The following NDRG4 variants were observed in gnomAD, a reference collection of about 807,000 sequenced individuals.
NDRG4 encodes the protein protein NDRG4.
Under a neutral mutation model 55.8 loss-of-function variants are expected in NDRG4, and 38 were observed. That is an observed-to-expected ratio of 0.68 (90% CI 0.53 to 0.89). The LOEUF is 0.89. Among genes scored for constraint, NDRG4 ranks in the 40% least tolerant of loss-of-function variants. The pLI is 0.00. For synonymous variants in NDRG4, 190 were observed against 182.7 expected, an observed-to-expected ratio of 1.04 and a Z score of -0.32; for missense variants, 455 against 468.6, an observed-to-expected ratio of 0.97 and a Z score of 0.27.
exon 2 of NDRG4, chr16:58,487,784 C>T: frequency 6.5e-7 from 1 of 1,544,290 alleles, no homozygotes; most frequent in Non-Finnish European, 8.7e-7. Flanking sequence ...TGACCATGGC[C>T]GGGCTGCAGG....
chr16:58,478,709 T>TTTG (rs2034038716), intron 1 of NDRG4, among the ~76,000 whole-genome samples: 1 of 149,394 alleles, frequency 6.7e-6, no homozygotes, highest in African/African-American at 2.4e-5. Context: ...TTTTTTTTTT[T>TTTG]GTAATTTTTT....
intron 5 of NDRG4, among the ~76,000 whole-genome samples, chr16:58,505,024 A>G (rs1281893919): frequency 1.3e-5 from 2 of 152,112 alleles, no homozygotes; most frequent in African/African-American, 4.8e-5. Context: ...TTAGCAAAAA[A>G]TTTTATTATG....
In NDRG4 at chr16:58,504,472, C is replaced by T. The variant is rs375020845; in HGVS notation, c.311+51C>T. The stretch of plus-strand genomic sequence containing the variant: ...TAGGGCCCAGGGGTGCCTACCCCAA[C>T]TGCAGAGCCACCTGGCTCCAGCTGA... On this transcript the variant is annotated intron_variant, in intron 4 of 14. Coordinates refer to ENST00000570248, the MANE Select transcript of NDRG4 (RefSeq NM_001242835.2). 298 of 1,611,466 alleles carry T rather than the reference C, an allele frequency of 1.8e-4. 1 individual carries two copies. The African/African-American group carries it at 3.6e-3, about 20-fold the overall frequency.
chr16:58,468,954 G>A (rs1201084742), intron 1 of NDRG4, among the ~76,000 whole-genome samples: 2 of 152,200 alleles, frequency 1.3e-5, no homozygotes, highest in Non-Finnish European at 2.9e-5. Flanking sequence ...AAACGGTTCA[G>A]AGTCAGAGCT....
chr16:58,491,972 G>A (rs985949111), intron 2 of NDRG4, among the ~76,000 whole-genome samples: 2 of 151,360 alleles, frequency 1.3e-5, no homozygotes, highest in Admixed American at 1.3e-4. Context: ...TAGAGACATG[G>A]GATCTTTCTA....
chr16:58,507,748 T>A, intron 8 of NDRG4, 60 bp from the exon 9 acceptor site: 1 of 1,529,268 alleles, frequency 6.5e-7, no homozygotes, highest in Non-Finnish European at 9.0e-7. Flanking sequence ...GGGCTTGGGA[T>A]GCCCCTCATC....
chr16:58,506,964 G>C lies in NDRG4; in HGVS notation c.569G>C (p.Gly190Ala), dbSNP rs914460296. The C allele has an allele frequency of 1.2e-6, 2 of 1,614,024 alleles. No homozygotes were observed. The highest frequency in any genetic ancestry group is 2.7e-5 in the African/African-American group (2 of 74,938). The change falls in exon 8 of 15, where the codon GGG (glycine) becomes GCG (alanine). Residue 190 changes from glycine (G) to alanine (A), a missense_variant. Gly to Ala is a moderately conservative substitution (Grantham distance 60, BLOSUM62 0). Coordinates refer to ENST00000570248, the MANE Select transcript of NDRG4 (RefSeq NM_001242835.2). ...ELVQSYRQQIGNVVNQANLQL... is the reference protein window; with the variant it reads ...ELVQSYRQQIANVVNQANLQL... ...GTGCAGAGCTACCGGCAGCAGATTG[G>C]GAACGTGGTGAACCAGGCCAACCTG...
intron 1 of NDRG4, among the ~76,000 whole-genome samples, chr16:58,471,520 G>A (rs1446117466): frequency 2.0e-5 from 3 of 152,008 alleles, no homozygotes; most frequent in African/African-American, 7.3e-5. Context: ...AAACTGAAGA[G>A]CATCACACAA....
intron 1 of NDRG4, among the ~76,000 whole-genome samples, chr16:58,478,697 G>GTTTT (rs59525801): frequency 0.46 from 62,845 of 137,212 alleles, 14,766 homozygotes; most frequent in Admixed American, 0.6. Context: ...TTTGTTTTTT[G>GTTTT]TTTTTTTTTT....
In NDRG4 at chr16:58,504,381, C is replaced by A. The variant is rs1259507060; in HGVS notation, c.271C>A (p.Gln91Lys). The part of the protein sequence containing the change: ...PQGYQFPSME[Q>K]LAAMLPSVVQ... ...CAGGTACCAGTTCCCCTCCATGGAG[C>A]AGCTGGCTGCCATGCTCCCCAGCGT... The change falls in exon 4 of 15, where the codon CAG becomes AAG. Residue 91 changes from glutamine to lysine, a missense_variant. Coordinates refer to ENST00000570248, the MANE Select transcript of NDRG4 (RefSeq NM_001242835.2). 1 of 1,613,194 alleles carries A rather than the reference C, an allele frequency of 6.2e-7. No homozygotes were observed. Among genetic ancestry groups the A allele is most frequent in the South Asian group, 1.1e-5 (1 of 91,084 alleles).
At chr16:58,515,382 T>G, downstream of NDRG4, 1 of 777,466 alleles carries the variant, frequency 1.3e-6, no homozygotes, top group Non-Finnish European at 1.9e-6. Context: ...CTCAAGATGT[T>G]TTCATGAGGA....
chr16:58,508,308 G>A (rs2038318900), intron 10 of NDRG4, among the ~76,000 whole-genome samples: 1 of 152,190 alleles, frequency 6.6e-6, no homozygotes, highest in Non-Finnish European at 1.5e-5. Flanking sequence ...GGCCCAGGGT[G>A]TACGATCTTT....
At chr16:58,502,085 G>A (rs765963842) in intron 1 of NDRG4, 12 of 436,712 alleles carry the variant, frequency 2.7e-5, no homozygotes, top group Admixed American at 9.5e-5. Flanking sequence ...TCAGTGCACC[G>A]CCCTGGCCCC....
At chr16:58,465,074 G>C in intron 1 of NDRG4, 1 of 1,283,854 alleles carries the variant, frequency 7.8e-7, no homozygotes, top group South Asian at 1.2e-5. Context: ...AAGAGGAGGT[G>C]GGAAAGGGAG....
chr16:58,471,069 A>G (rs1221860436), intron 1 of NDRG4, among the ~76,000 whole-genome samples: 1 of 152,050 alleles, frequency 6.6e-6, no homozygotes, highest in Non-Finnish European at 1.5e-5. Flanking sequence ...AGGCAGGGGA[A>G]CAGATTCTTC....
intron 8 of NDRG4, chr16:58,507,485 G>A (rs2038193093): frequency 7.7e-6 from 3 of 388,004 alleles, no homozygotes; most frequent in Non-Finnish European, 1.3e-5. Context: ...CTGTGTGCAT[G>A]GTGCTAAGAA....
In NDRG4 at chr16:58,464,695, AG is replaced by A; in HGVS notation, c.-24+903del. The A allele has an allele frequency of 2.6e-6, 3 of 1,176,404 alleles. No individual in the cohort carries two copies. Among genetic ancestry groups the A allele is most frequent in the Non-Finnish European group, 3.2e-6 (3 of 923,160 alleles). 72.9% of individuals were successfully genotyped at this position (1,176,404 alleles called of 1,614,324 possible). The stretch of plus-strand genomic sequence containing the variant: ...CGTCCGGGCTGCGGGAGCACCGGTC[AG>A]GGGGTGGCCCCATGGGGTCTCTGAC... On this transcript the variant is annotated intron_variant, in intron 1 of 15. Transcript: ENST00000258187. The surrounding 1 kb of genome is among the most constrained non-coding windows in gnomAD (Gnocchi z 4.8).
intron 1 of NDRG4, among the ~76,000 whole-genome samples, chr16:58,485,313 C>T (rs572428242): frequency 2.4e-4 from 36 of 152,268 alleles, no homozygotes; most frequent in African/African-American, 8.2e-4. Context: ...GAGACATTCC[C>T]GGTTCTCTGG....
chr16:58,466,790 A>G (rs1276372203), intron 1 of NDRG4, among the ~76,000 whole-genome samples: 1 of 152,134 alleles, frequency 6.6e-6, no homozygotes, highest in Non-Finnish European at 1.5e-5. Context: ...AACCTCTCAG[A>G]CTTCAGCCCT....
Sources: gnomAD v4.1 joint callset for allele counts (sites outside exome capture counted in the v4.1 genomes callset) on GRCh38, gnomAD v4.1.1 for gene constraint, Gnocchi (gnomAD v3.1) non-coding constraint, MANE v1.5 for transcripts, NCBI Gene and HGNC (gene_info 2026-07-23, HGNC 2026-07-21) for gene names.